The following C10orf53 variants were observed in gnomAD, a reference collection of about 807,000 sequenced individuals.
C10orf53 encodes the protein chromosome 10 open reading frame 53, also known as UPF0728 protein C10orf53.
A neutral mutation model predicts 9.4 loss-of-function variants in C10orf53; 8 were observed. The observed-to-expected ratio is 0.85, with a 90% confidence interval of 0.50 to 1.53. C10orf53 has a LOEUF of 1.53. Ranked by LOEUF, C10orf53 falls within the 40% of genes most tolerant of loss-of-function variation. The pLI is 0.00. For synonymous variants in C10orf53, 48 were observed against 46.0 expected, an observed-to-expected ratio of 1.04 and a Z score of -0.18; for missense variants, 117 against 117.8, an observed-to-expected ratio of 0.99 and a Z score of 0.03.
At chr10:49,708,681 C>T in exon 3 of C10orf53, 1 of 1,589,058 alleles carries the variant, frequency 6.3e-7, no homozygotes, top group Non-Finnish European at 8.6e-7. Context: ...GGGTCTGTTT[C>T]CAGAATAAGG....
chr10:49,691,319 G>A (rs1478077575), intron 1 of C10orf53, among the ~76,000 whole-genome samples: 1 of 152,226 alleles, frequency 6.6e-6, no homozygotes, highest in African/African-American at 2.4e-5. Flanking sequence ...AATATTCAAT[G>A]TAGACTCTGA....
At chr10:49,682,458 A>C (rs1840488106) in intron 1 of C10orf53, among the ~76,000 whole-genome samples, 1 of 152,228 alleles carries the variant, frequency 6.6e-6, no homozygotes, top group Non-Finnish European at 1.5e-5. Context: ...CAGCTCTTAA[A>C]GGTGGTGCAG....
chr10:49,690,868 T>C (rs563846348), intron 1 of C10orf53, among the ~76,000 whole-genome samples: 1 of 152,200 alleles, frequency 6.6e-6, no homozygotes, highest in Non-Finnish European at 1.5e-5. Flanking sequence ...GAGAGAGGTC[T>C]GTTTACCTCT....
At chr10:49,700,658 A>T (rs1840675593), downstream of C10orf53, among the ~76,000 whole-genome samples, 1 of 152,122 alleles carries the variant, frequency 6.6e-6, no homozygotes, top group Admixed American at 6.5e-5. Flanking sequence ...TGATGTGGAG[A>T]TGTCAACTCT....
At chr10:49,709,971 GTC>G (rs766738812) in exon 3 of C10orf53, 3,186 of 15,742 alleles carry the variant, frequency 0.2, 49 homozygotes, top group East Asian at 0.46. Flanking sequence ...GTGTGTGTGT[GTC>G]TGTGTGTGTG....
chr10:49,686,720 C>A (rs540398760), intron 1 of C10orf53, among the ~76,000 whole-genome samples: 1 of 152,172 alleles, frequency 6.6e-6, no homozygotes, highest in Non-Finnish European at 1.5e-5. Context: ...GAAATTCCAG[C>A]CTGGTAAATT....
At chr10:49,692,417 G>A (rs1482689949) in intron 1 of C10orf53, among the ~76,000 whole-genome samples, 1 of 152,220 alleles carries the variant, frequency 6.6e-6, no homozygotes, top group Non-Finnish European at 1.5e-5. Context: ...GGGGCTGGAT[G>A]TTCTTGAACT....
exon 3 of C10orf53, chr10:49,708,614 C>T (rs775509299): frequency 1.9e-6 from 3 of 1,613,978 alleles, no homozygotes; most frequent in Middle Eastern, 1.6e-4. Context: ...CTCAGCCCTA[C>T]TGAAATCGAC....
At chr10:49,699,001 C>A (rs12254120), downstream of C10orf53, among the ~76,000 whole-genome samples, 1 of 152,078 alleles carries the variant, frequency 6.6e-6, no homozygotes, top group South Asian at 2.1e-4. Context: ...TATCAATCTT[C>A]TGAATTGTTC....
chr10:49,703,015 G>A (rs193115561), intron 2 of C10orf53, among the ~76,000 whole-genome samples: 17 of 152,242 alleles, frequency 1.1e-4, no homozygotes, highest in African/African-American at 4.1e-4. Context: ...TACAAGGACA[G>A]TGTACCCCAC....
intron 1 of C10orf53, among the ~76,000 whole-genome samples, chr10:49,687,336 G>A (rs951513618): frequency 6.6e-6 from 1 of 152,160 alleles, no homozygotes; most frequent in African/African-American, 2.4e-5. Flanking sequence ...CAGTATTGGG[G>A]GGGAAACTCC....
chr10:49,692,558 G>C (rs114866094), intron 1 of C10orf53, among the ~76,000 whole-genome samples: 1 of 152,156 alleles, frequency 6.6e-6, no homozygotes, highest in African/African-American at 2.4e-5. Flanking sequence ...AGACTTTAAA[G>C]AATATGCCCC....
rs576905641 is a variant in C10orf53, at chr10:49,685,179, T to A, written c.97+5385T>A. On this transcript the variant is annotated intron_variant, in intron 1 of 2. Transcript: ENST00000374111. ...AGATGGTCCCTGACTTACAATTGTTTGACTTTTGATTTTTGACTATATGCT... is the reference window on the plus strand; with the variant it reads ...AGATGGTCCCTGACTTACAATTGTTAGACTTTTGATTTTTGACTATATGCT... Among the ~76,000 whole-genome samples, 11 of 152,218 alleles carry A rather than the reference T, an allele frequency of 7.2e-5. No homozygotes were observed. In the South Asian group the frequency reaches 2.3e-3, roughly 32 times the overall value.
At chr10:49,690,085 C>G (rs530009281) in intron 1 of C10orf53, among the ~76,000 whole-genome samples, 2 of 151,948 alleles carry the variant, frequency 1.3e-5, no homozygotes, top group Non-Finnish European at 2.9e-5. Context: ...AGGAGGTGAG[C>G]GGGTGGAAAC....
chr10:49,701,396 C>CA (rs1564508618), downstream of C10orf53, among the ~76,000 whole-genome samples: 20 of 151,904 alleles, frequency 1.3e-4, no homozygotes, highest in South Asian at 4.2e-4. Context: ...CAAATTGCTG[C>CA]GTTTTTTTTT....
intron 1 of C10orf53, among the ~76,000 whole-genome samples, chr10:49,688,772 C>T (rs140378404): frequency 2.6e-5 from 4 of 152,290 alleles, no homozygotes; most frequent in Non-Finnish European, 4.4e-5. Context: ...CTCTTTCCTA[C>T]GTGGTCTTCA....
chr10:49,704,797 G>A (rs1376080285), intron 2 of C10orf53, among the ~76,000 whole-genome samples: 1 of 152,182 alleles, frequency 6.6e-6, no homozygotes, highest in African/African-American at 2.4e-5. Context: ...ATAGGACTCT[G>A]TGTTGGTAAG....
intron 1 of C10orf53, among the ~76,000 whole-genome samples, chr10:49,687,897 T>G (rs1297091523): frequency 6.6e-6 from 1 of 152,156 alleles, no homozygotes; most frequent in East Asian, 1.9e-4. Context: ...AGTCCAATTT[T>G]GGAAGAAGAA....
intron 1 of C10orf53, among the ~76,000 whole-genome samples, chr10:49,689,475 T>C (rs1840561351): frequency 6.6e-6 from 1 of 152,154 alleles, no homozygotes. Flanking sequence ...TAAAATGTGA[T>C]CATATACTGT....
Sources: gnomAD v4.1 joint callset for allele counts (sites outside exome capture counted in the v4.1 genomes callset) on GRCh38, gnomAD v4.1.1 for gene constraint, MANE v1.5 for transcripts, NCBI Gene and HGNC (gene_info 2026-07-23, HGNC 2026-07-21) for gene names.